The following COL28A1 variants were observed in gnomAD, a reference collection of about 807,000 sequenced individuals.
The protein encoded by COL28A1 is collagen type XXVIII alpha 1 chain, also known as collagen alpha-1(XXVIII) chain.
A neutral mutation model predicts 150.2 loss-of-function variants in COL28A1; 161 were observed. The observed-to-expected ratio is 1.07, with a 90% CI of 0.94 to 1.22. The LOEUF is 1.22. COL28A1 is among the 50% of genes most tolerant of loss of function. The probability of loss-of-function intolerance (pLI) is 0.00; values close to 1 mark genes in which losing one functional copy is unlikely to be tolerated. For missense variants in COL28A1, 1,617 were observed against 1,388.3 expected (o/e 1.16, Z -2.62); for synonymous variants, 552 against 469.7 (o/e 1.18, Z -2.26).
intron 27 of COL28A1, among the ~76,000 whole-genome samples, chr7:7,387,169 G>A (rs1782237834): frequency 6.6e-6 from 1 of 152,176 alleles, no homozygotes; most frequent in South Asian, 2.1e-4. Context: ...GTTTCCTTTT[G>A]AAGGAAACAG....
chr7:7,504,227 T>C (rs150759314), intron 11 of COL28A1, among the ~76,000 whole-genome samples: 1 of 152,174 alleles, frequency 6.6e-6, no homozygotes, highest in African/African-American at 2.4e-5. Context: ...CCAGGTATGG[T>C]GGCTCACACT....
At chr7:7,441,763 A>G (rs1312261215) in intron 20 of COL28A1, among the ~76,000 whole-genome samples, 1 of 152,132 alleles carries the variant, frequency 6.6e-6, no homozygotes, top group Non-Finnish European at 1.5e-5. Flanking sequence ...CAGGGACCAC[A>G]CTTTGAGAAT....
intron 27 of COL28A1, among the ~76,000 whole-genome samples, chr7:7,400,747 C>T (rs1217996293): frequency 6.6e-6 from 1 of 151,106 alleles, no homozygotes; most frequent in African/African-American, 2.4e-5. Flanking sequence ...CATTTCTGTA[C>T]TTCTTTTTCA....
At chr7:7,527,112 T>A (rs1320000134) in intron 3 of COL28A1, among the ~76,000 whole-genome samples, 1 of 152,234 alleles carries the variant, frequency 6.6e-6, no homozygotes, top group Non-Finnish European at 1.5e-5. Context: ...AAAAAACTAT[T>A]TTTGGAACTC....
intron 30 of COL28A1, 40 bp from the exon 31 acceptor site, chr7:7,375,537 C>G: frequency 7.6e-7 from 1 of 1,324,076 alleles, no homozygotes; most frequent in Non-Finnish European, 1.1e-6. Context: ...ATATGTATGA[C>G]TATAATATTT....
intron 13 of COL28A1, among the ~76,000 whole-genome samples, chr7:7,478,126 C>T (rs1176862916): frequency 2.6e-5 from 4 of 151,848 alleles, no homozygotes; most frequent in African/African-American, 9.7e-5. Context: ...AAAGATTCTC[C>T]AAGTCTCCAC....
chr7:7,361,809 A>G (rs1780678829), intron 33 of COL28A1, among the ~76,000 whole-genome samples: 1 of 148,944 alleles, frequency 6.7e-6, no homozygotes, highest in East Asian at 2.0e-4. Context: ...TAGACTGGAT[A>G]AAGAAAATGT....
chr7:7,477,875 C>T (rs904061749), intron 13 of COL28A1, among the ~76,000 whole-genome samples: 3 of 152,112 alleles, frequency 2.0e-5, no homozygotes, highest in Admixed American at 6.5e-5. Flanking sequence ...TACAGAGAGC[C>T]GATTGGTCTG....
At chr7:7,491,308 G>A (rs544094860) in intron 11 of COL28A1, among the ~76,000 whole-genome samples, 1 of 152,152 alleles carries the variant, frequency 6.6e-6, no homozygotes, top group African/African-American at 2.4e-5. Flanking sequence ...AGATGTGAAG[G>A]ACCTTACTGG....
rs560761998 is a variant in COL28A1 at position 7,411,991 on chromosome 7, C to T, written c.2136+5868G>A. 3.3e-5 allele frequency among the ~76,000 whole-genome samples: 5 copies of T among 152,136 alleles called. No individual in the cohort carries two copies. The South Asian group carries it at 8.3e-4, about 25-fold the overall frequency. Reference sequence around the variant, plus strand: ...GCAAAAAATAACTTAAAATTTCCATCCTTCCTAGAAACAGGCTAAATTATG... The same window carrying T: ...GCAAAAAATAACTTAAAATTTCCATTCTTCCTAGAAACAGGCTAAATTATG... On this transcript the variant is annotated intron_variant, in intron 27 of 34. Coordinates refer to ENST00000399429, the MANE Select transcript of COL28A1 (RefSeq NM_001037763.3).
chr7:7,375,322 T>C, intron 31 of COL28A1, 139 bp downstream of exon 31: 2 of 708,072 alleles, frequency 2.8e-6, no homozygotes. Context: ...CCTTTCAGTT[T>C]CCATCGACTT....
intron 15 of COL28A1, among the ~76,000 whole-genome samples, chr7:7,461,267 T>C (rs1787598947): frequency 6.6e-6 from 1 of 152,226 alleles, no homozygotes; most frequent in South Asian, 2.1e-4. Flanking sequence ...AAGCCATCTC[T>C]GCCTCACATC....
chr7:7,532,969 T>C (rs1398646250), intron 1 of COL28A1, 57 bp from the exon 2 acceptor site: 2 of 1,386,752 alleles, frequency 1.4e-6, no homozygotes, highest in Non-Finnish European at 1.9e-6. Flanking sequence ...TTGTTATTTT[T>C]AAATTTCAAG....
chr7:7,531,938 T>C (rs933318835), intron 2 of COL28A1, 34 bp from the exon 3 acceptor site: 3 of 1,341,762 alleles, frequency 2.2e-6, no homozygotes, highest in Non-Finnish European at 3.2e-6. Flanking sequence ...GCAAAATAAT[T>C]ATTCCTATCA....
intron 27 of COL28A1, among the ~76,000 whole-genome samples, chr7:7,394,020 A>G (rs1289017470): frequency 6.6e-6 from 1 of 151,578 alleles, no homozygotes; most frequent in Non-Finnish European, 1.5e-5. Flanking sequence ...GTCTGCCCAA[A>G]CAGCCTCCCA....
intron 27 of COL28A1, among the ~76,000 whole-genome samples, chr7:7,405,508 T>C (rs1211327047): frequency 2.0e-5 from 3 of 152,208 alleles, no homozygotes; most frequent in African/African-American, 7.2e-5. Context: ...TAAAAATCTA[T>C]TTTCTGCTTT....
chr7:7,477,663 C>T (rs1789014749), intron 13 of COL28A1, among the ~76,000 whole-genome samples: 1 of 152,198 alleles, frequency 6.6e-6, no homozygotes, highest in Non-Finnish European at 1.5e-5. Context: ...AGTGAAGCTG[C>T]AGACCTTCGC....
At chr7:7,523,165 CTT>C (rs1394272260) in intron 4 of COL28A1, among the ~76,000 whole-genome samples, 8 of 78,804 alleles carry the variant, frequency 1.0e-4, no homozygotes, top group Non-Finnish European at 6.7e-5. Context: ...TCTTTCTTTT[CTT>C]TTTTTTTTTT....
chr7:7,358,560 G>A lies in COL28A1; in HGVS notation c.*73C>T. 7.5e-7 allele frequency: 1 copy of A among 1,337,350 alleles called. No individual in the cohort carries two copies. The highest frequency in any genetic ancestry group is 1.1e-6 in the Non-Finnish European group (1 of 943,194). 82.8% of individuals were successfully genotyped at this position (1,337,350 alleles called of 1,614,324 possible). ...TCAGTATACACTCAAATATAGTGCT[G>A]TATTTGTATTGGGTGAATATGTGGA... On this transcript the variant is annotated 3_prime_UTR_variant, in exon 35 of 35. Transcript: ENST00000399429.
Sources: allele counts gnomAD v4.1 joint callset (sites outside exome capture counted in the v4.1 genomes callset), GRCh38; gene constraint gnomAD v4.1.1; transcripts MANE v1.5; gene names NCBI Gene and HGNC (gene_info 2026-07-23, HGNC 2026-07-21).